Variants in PRRC2A observed in about 807,000 individuals in gnomAD.
PRRC2A encodes the protein protein PRRC2A.
Under a neutral mutation model 224.6 loss-of-function variants are expected in PRRC2A, and 59 were observed. That is an observed-to-expected ratio of 0.26 (90% CI 0.21 to 0.33). The LOEUF (loss-of-function observed/expected upper bound fraction) is 0.33. PRRC2A is among the 10% of genes least tolerant of loss of function. PRRC2A has a pLI of 1.00. For missense variants in PRRC2A, 3,095 were observed against 2,880.7 expected (o/e 1.07, Z -1.70); for synonymous variants, 1,194 against 1,109.5 (o/e 1.08, Z -1.51).
rs753982472 is a variant in PRRC2A at position 31,628,009 on chromosome 6, C to G, written c.1535C>G (p.Pro512Arg). ...KRLKAEPAAPPAAPSTPAPPP... is the reference protein window; with the variant it reads ...KRLKAEPAAPRAAPSTPAPPP... The stretch of plus-strand genomic sequence containing the variant: ...CTCAAAGCAGAGCCTGCTGCCCCAC[C>G]TGCTGCCCCTTCTACCCCAGCTCCA... The change falls in exon 12 of 31, where the codon CCT (proline) becomes CGT (arginine). Residue 512 changes from proline to arginine, a missense_variant. Transcript: ENST00000376033. 2 of 1,607,000 alleles carry G rather than the reference C, an allele frequency of 1.2e-6. No individual in the cohort carries two copies. The highest frequency in any genetic ancestry group is 4.5e-5 in the East Asian group (2 of 44,490).
chr6:31,625,634 G>A lies in PRRC2A; in HGVS notation c.759+23G>A, dbSNP rs1775820733. On this transcript the variant is annotated intron_variant, in intron 7 of 30. Coordinates refer to ENST00000376033, the MANE Select transcript of PRRC2A (RefSeq NM_004638.4). The surrounding 1 kb of genome is among the most constrained non-coding windows in gnomAD (Gnocchi z 4.1). ...TTCGTGAGTCTTGGTGTCTTGTCTTGGAACGATTACACTGGAAGCTGGAGA... is the reference window on the plus strand; with the variant it reads ...TTCGTGAGTCTTGGTGTCTTGTCTTAGAACGATTACACTGGAAGCTGGAGA... 1.9e-6 allele frequency: 3 copies of A among 1,599,980 alleles called. No individual in the cohort carries two copies. Among genetic ancestry groups the A allele is most frequent in the Non-Finnish European group, 2.6e-6 (3 of 1,172,152 alleles).
rs760030824 is a variant in PRRC2A, at chr6:31,627,735, C to G, written c.1291-30C>G. The G allele has an allele frequency of 2.5e-6, 4 of 1,606,072 alleles. No individual in the cohort carries two copies. The highest frequency in any genetic ancestry group is 3.4e-6 in the Non-Finnish European group (4 of 1,175,612). On this transcript the variant is annotated intron_variant, in intron 11 of 30. Coordinates refer to ENST00000376033, the MANE Select transcript of PRRC2A (RefSeq NM_004638.4). The surrounding 1 kb of genome is among the most constrained non-coding windows in gnomAD (Gnocchi z 5.6). ...ATAGAAAGCATAGTAACTGATTCCC[C>G]TGGCCCTGCTGGGTCTTGCCAATTG...
rs1274559953 is a variant in PRRC2A, at chr6:31,631,485, C to T, written c.2812C>T (p.Pro938Ser). 4 of 1,608,778 alleles carry T rather than the reference C, an allele frequency of 2.5e-6. No individual in the cohort carries two copies. The African/African-American group carries it at 4.0e-5, about 16-fold the overall frequency. The change falls in exon 16 of 31, where the codon CCT becomes TCT. Residue 938 changes from proline (P) to serine (S), a missense_variant. Coordinates refer to ENST00000376033, the MANE Select transcript of PRRC2A (RefSeq NM_004638.4). This position sits in a 1 kb window ranked among gnomAD's most constrained non-coding sequence, Gnocchi z 4.5. The part of the protein sequence containing the change: ...PRPGSSRRGI[P>S]PEEPGAPPRR... The stretch of plus-strand genomic sequence containing the variant: ...TCCAGGGAGCAGTCGTCGTGGAATC[C>T]CTCCAGAGGAGCCAGGGGCCCCACC...
Position 31,626,146 on chromosome 6 carries a change from T to A in PRRC2A, c.966T>A (p.Asn322Lys). Residue 322 changes from asparagine (N) to lysine (K), a missense_variant, in exon 9 of 31, where the codon AAT (asparagine) becomes AAA (lysine). Asn to Lys is a moderately conservative substitution (Grantham distance 94, BLOSUM62 0). Transcript: ENST00000376033. ...LKEFDQLDQE[N>K]DDGWAGAHEE... ...AGTTTGATCAGTTGGATCAGGAGAA[T>A]GATGATGGTTGGGCAGGTAAGTGGA... is the stretch of plus-strand genomic sequence containing the variant. 6.2e-7 allele frequency: 1 copy of A among 1,612,618 alleles called. No individual in the cohort carries two copies. The highest frequency in any genetic ancestry group is 8.5e-7 in the Non-Finnish European group (1 of 1,179,836).
At position 31,631,423 on chromosome 6, in the gene PRRC2A, G is replaced by T. The variant is rs768431521; in HGVS notation, c.2750G>T (p.Arg917Leu). ...GSGGQGPPPP[R>L]RESRTETRWG... Reference sequence around the variant, plus strand: ...GGAGGCCAGGGCCCCCCACCACCACGCAGAGAGAGTCGCACAGAGACCCGC... The same window carrying T: ...GGAGGCCAGGGCCCCCCACCACCACTCAGAGAGAGTCGCACAGAGACCCGC... The change falls in exon 16 of 31, where the codon CGC becomes CTC. Residue 917 changes from arginine (R) to leucine (L), a missense_variant. Arg to Leu is a moderately radical substitution (Grantham distance 102). This residue lies in a region of PRRC2A where 2,001 missense variants were observed against 1,764.9 expected (regional missense o/e 1.13). Coordinates refer to ENST00000376033, the MANE Select transcript of PRRC2A (RefSeq NM_004638.4). This position sits in a 1 kb window ranked among gnomAD's most constrained non-coding sequence, Gnocchi z 4.5. 5 of 1,610,414 alleles carry T rather than the reference G, an allele frequency of 3.1e-6. No individual in the cohort carries two copies. Among genetic ancestry groups the T allele is most frequent in the Non-Finnish European group, 3.4e-6 (4 of 1,178,898 alleles).
chr6:31,625,300 G>A lies in PRRC2A; in HGVS notation c.593G>A (p.Ser198Asn). ...GAACAGTCGTCTGGGCCCGGACCAA[G>A]CCTCCGCCCCCAAAGTGAGTGGCTG... Reference protein sequence around the residue: ...SAEQSSGPGPSLRPQNSTTWR... With the variant: ...SAEQSSGPGPNLRPQNSTTWR... Residue 198 changes from serine to asparagine, a missense_variant, in exon 6 of 31, where the codon AGC becomes AAC. Physicochemically the swap from Ser to Asn is conservative, Grantham distance 46 (BLOSUM62 1). Coordinates refer to ENST00000376033, the MANE Select transcript of PRRC2A (RefSeq NM_004638.4). This position sits in a 1 kb window ranked among gnomAD's most constrained non-coding sequence, Gnocchi z 4.1. 1 of 1,613,726 alleles carries A rather than the reference G, an allele frequency of 6.2e-7. No individual in the cohort carries two copies. Among genetic ancestry groups the A allele is most frequent in the South Asian group, 1.1e-5 (1 of 91,086 alleles).
chr6:31,637,528 G>T lies in PRRC2A; in HGVS notation c.6416G>T (p.Arg2139Leu). ...GPPPREGPSR[R>L]AEEPGSRGDK... is the part of the protein sequence containing the mutation. ...CCACCTCGAGAAGGGCCCTCCCGACGGGCAGAGGAGCCTGGGTCCCGAGGG... is the reference window on the plus strand; with the variant it reads ...CCACCTCGAGAAGGGCCCTCCCGACTGGCAGAGGAGCCTGGGTCCCGAGGG... The change falls in exon 31 of 31, where the codon CGG (arginine) becomes CTG (leucine). Residue 2139 changes from arginine to leucine, a missense_variant. Physicochemically the swap from Arg to Leu is moderately radical, Grantham distance 102. This residue lies in a region of PRRC2A where 662 missense variants were observed against 609.5 expected (regional missense o/e 1.09). Transcript: ENST00000376033. The T allele has an allele frequency of 6.3e-7, 1 of 1,590,824 alleles. No homozygotes were observed. The highest frequency in any genetic ancestry group is 1.1e-5 in the South Asian group (1 of 88,386).
intron 18 of PRRC2A, 35 bp downstream of exon 18, chr6:31,634,024 C>G: frequency 6.3e-7 from 1 of 1,590,720 alleles, no homozygotes; most frequent in African/African-American, 1.4e-5. Context: ...CTTCACTGCA[C>G]TCTTACTCGT....
chr6:31,621,706 T>C (rs1424014270), intron 1 of PRRC2A, among the ~76,000 whole-genome samples: 3 of 152,246 alleles, frequency 2.0e-5, no homozygotes, highest in African/African-American at 7.2e-5. Context: ...GCTTTCATTC[T>C]GGGCCTGTCT....
chr6:31,623,979 G>C, intron 3 of PRRC2A, 70 bp downstream of exon 3: 1 of 1,562,722 alleles, frequency 6.4e-7, no homozygotes, highest in Non-Finnish European at 8.7e-7. Context: ...ATTGGGGCTT[G>C]GTTTAGTCCA....
At position 31,623,715 on chromosome 6, in the gene PRRC2A, T is replaced by G. The variant is rs745943091; in HGVS notation, c.113-17T>G. 4 of 1,613,366 alleles carry G rather than the reference T, an allele frequency of 2.5e-6. No individual in the cohort carries two copies. The highest frequency in any genetic ancestry group is 3.4e-6 in the Non-Finnish European group (4 of 1,179,420). Reference sequence around the variant, plus strand: ...CACATGAGGCATTTTCGACCCTCTCTCCGTCTTGTTCTCCAGTTGCCCCTC... The same window carrying G: ...CACATGAGGCATTTTCGACCCTCTCGCCGTCTTGTTCTCCAGTTGCCCCTC... On this transcript the variant is annotated splice_polypyrimidine_tract_variant and intron_variant, in intron 2 of 30. Transcript: ENST00000376033.
intron 14 of PRRC2A, 119 bp from the exon 15 acceptor site, chr6:31,630,472 C>T (rs1157549925): frequency 8.3e-6 from 8 of 966,236 alleles, no homozygotes; most frequent in Non-Finnish European, 1.3e-5. Flanking sequence ...CAGGCAAGGC[C>T]CGGACCTACT....
In PRRC2A at chr6:31,623,880, A is replaced by G; in HGVS notation, c.261A>G (p.Ala87=). ...TGCCAAAAGACGGAACAGGATGGGC[A>G]AGCAAACAGGAGCAGTCCGACCCCA... ...SLVPKDGTGW[A]SKQEQSDPKS... Residue 87 remains alanine (A), a synonymous_variant, in exon 3 of 31, where the codon GCA becomes GCG. Coordinates refer to ENST00000376033, the MANE Select transcript of PRRC2A (RefSeq NM_004638.4). 3 of 1,614,224 alleles carry G rather than the reference A, an allele frequency of 1.9e-6. No individual in the cohort carries two copies. Among genetic ancestry groups the G allele is most frequent in the Non-Finnish European group, 2.5e-6 (3 of 1,180,036 alleles).
At chr6:31,626,698 T>C in intron 9 of PRRC2A, 74 bp from the exon 10 acceptor site, 1 of 1,324,300 alleles carries the variant, frequency 7.6e-7, no homozygotes, top group Non-Finnish European at 1.0e-6. Flanking sequence ...TCCATCTTGT[T>C]ACATAGTTCC....
rs1169292739 is a variant in PRRC2A, at chr6:31,623,724, T to A, written c.113-8T>A. 6.2e-7 allele frequency: 1 copy of A among 1,613,842 alleles called. No individual in the cohort carries two copies. The highest frequency in any genetic ancestry group is 8.5e-7 in the Non-Finnish European group (1 of 1,179,852). ...CATTTTCGACCCTCTCTCCGTCTTGTTCTCCAGTTGCCCCTCGCCATGGCC... is the reference window on the plus strand; with the variant it reads ...CATTTTCGACCCTCTCTCCGTCTTGATCTCCAGTTGCCCCTCGCCATGGCC... On this transcript the variant is annotated splice_region_variant and splice_polypyrimidine_tract_variant and intron_variant, in intron 2 of 30. Coordinates refer to ENST00000376033, the MANE Select transcript of PRRC2A (RefSeq NM_004638.4).
At position 31,623,049 on chromosome 6, in the gene PRRC2A, G is replaced by C. The variant is rs779377512; in HGVS notation, c.112+148G>C. The C allele has an allele frequency of 2.8e-5, 22 of 794,338 alleles. No individual in the cohort carries two copies. In the East Asian group the frequency reaches 5.1e-4, roughly 18 times the overall value. 49.2% of individuals were successfully genotyped at this position (794,338 alleles called of 1,614,324 possible). A position where few individuals can be genotyped will look rare whatever the true frequency, so the allele number is the denominator to read the frequency against. On this transcript the variant is annotated intron_variant, in intron 2 of 30. Coordinates refer to ENST00000376033, the MANE Select transcript of PRRC2A (RefSeq NM_004638.4). ...CAACTTTACACTGGGTCCTTTAAAGGGGGTGTGGGCTCTGGGTGAACACCA... is the reference window on the plus strand; with the variant it reads ...CAACTTTACACTGGGTCCTTTAAAGCGGGTGTGGGCTCTGGGTGAACACCA...
rs1776255928 is a variant in PRRC2A, at chr6:31,629,201, C to T, written c.1823C>T (p.Pro608Leu). 1.9e-6 allele frequency: 3 copies of T among 1,614,006 alleles called. No homozygotes were observed. Among genetic ancestry groups the T allele is most frequent in the Non-Finnish European group, 2.5e-6 (3 of 1,180,006 alleles). The change falls in exon 13 of 31, where the codon CCT becomes CTT. Residue 608 changes from proline to leucine, a missense_variant. Around this residue, in one of 8 missense-constraint regions of PRRC2A, gnomAD observed 2,001 missense variants for 1,764.9 expected, o/e 1.13. Transcript: ENST00000376033. ...GPEPPEEVPPPTTPPVPKVEP... is the reference protein window; with the variant it reads ...GPEPPEEVPPLTTPPVPKVEP... ...GAACCACCAGAAGAGGTTCCTCCTC[C>T]TACCACACCCCCAGTTCCAAAGGTG... is the stretch of plus-strand genomic sequence containing the variant.
At position 31,625,915 on chromosome 6, in the gene PRRC2A, C is replaced by G; in HGVS notation, c.839+44C>G. 6.3e-7 allele frequency: 1 copy of G among 1,581,192 alleles called. No individual in the cohort carries two copies. Among genetic ancestry groups the G allele is most frequent in the Non-Finnish European group, 8.7e-7 (1 of 1,154,018 alleles). On this transcript the variant is annotated intron_variant, in intron 8 of 30. Coordinates refer to ENST00000376033, the MANE Select transcript of PRRC2A (RefSeq NM_004638.4). This position sits in a 1 kb window ranked among gnomAD's most constrained non-coding sequence, Gnocchi z 4.1. The stretch of plus-strand genomic sequence containing the variant: ...GGTTTGTGGCTGGGGGCAGGGGAAG[C>G]TTATTGGGGGAGGAGATGGTTTTCT...
In PRRC2A at chr6:31,636,900, G is replaced by T; in HGVS notation, c.6102G>T (p.Leu2034=). Residue 2034 remains leucine (L), a synonymous_variant, in exon 28 of 31, where the codon CTG becomes CTT. Transcript: ENST00000376033. This position sits in a 1 kb window ranked among gnomAD's most constrained non-coding sequence, Gnocchi z 4.3. ...CACCTGCTCCTGCTACTCGGGTGCT[G>T]CCTTCACCTGCCAGGCCCTTCCCCG... ...RPPPAPATRV[L]PSPARPFPAS... is the part of the protein sequence containing the mutation. The T allele has an allele frequency of 3.1e-6, 5 of 1,612,994 alleles. No homozygotes were observed. Among genetic ancestry groups the T allele is most frequent in the Non-Finnish European group, 4.2e-6 (5 of 1,180,000 alleles).
Sources: allele counts gnomAD v4.1 joint callset (sites outside exome capture counted in the v4.1 genomes callset), GRCh38; gene constraint gnomAD v4.1.1; regional missense constraint gnomAD v4.1.1; non-coding constraint Gnocchi (gnomAD v3.1); transcripts MANE v1.5; gene names NCBI Gene and HGNC (gene_info 2026-07-23, HGNC 2026-07-21).